Variants in NLRP14 observed in about 807,000 individuals in gnomAD.
The protein encoded by NLRP14 is NLR family pyrin domain containing 14.
In NLRP14, 105 loss-of-function variants were observed where a neutral mutation model predicts 94.7. The ratio of observed to expected loss-of-function variants is 1.11; its 90% CI spans 0.95 to 1.30. The LOEUF is 1.30. Among genes scored for constraint, NLRP14 ranks in the 50% most tolerant of loss-of-function variants. The pLI is 0.00. For missense variants in NLRP14, 1,362 were observed against 1,254.1 expected (o/e 1.09, Z -1.30); for synonymous variants, 508 against 459.9 (o/e 1.10, Z -1.34).
At chr11:7,082,075 C>G in the NLRP14 span, among the ~76,000 whole-genome samples, 1 of 152,090 alleles carries the variant, frequency 6.6e-6, no homozygotes, top group African/African-American at 2.4e-5. Flanking sequence ...ACTCAGGAGT[C>G]TCCAAGGATT....
downstream of NLRP14, among the ~76,000 whole-genome samples, chr11:7,071,839 T>A (rs1852804919): frequency 1.3e-5 from 2 of 152,016 alleles, no homozygotes; most frequent in African/African-American, 4.8e-5. Flanking sequence ...TTTTTGAGAA[T>A]TTCCCAGGCA....
chr11:7,036,297 A>G (rs1454138753), intron 1 of NLRP14, among the ~76,000 whole-genome samples: 10 of 152,238 alleles, frequency 6.6e-5, no homozygotes, highest in Admixed American at 6.5e-4. Context: ...AAAGGTAAAA[A>G]GCCAAAACAA....
chr11:7,049,427 A>G (rs4439493), intron 5 of NLRP14, among the ~76,000 whole-genome samples: 2 of 152,176 alleles, frequency 1.3e-5, no homozygotes, highest in African/African-American at 2.4e-5. Context: ...ATTACAAGTT[A>G]AAGAGGCTCC....
At position 7,042,066 on chromosome 11, in the gene NLRP14, A is replaced by G. The variant is rs10160485; in HGVS notation, c.362-322A>G. 0.55 allele frequency among the ~76,000 whole-genome samples: 82,296 copies of G among 150,642 alleles called. 23,631 individuals are homozygous for G. The highest frequency in any genetic ancestry group is 0.74 in the East Asian group (3,791 of 5,138). On this transcript the variant is annotated intron_variant, in intron 3 of 11. Transcript: ENST00000299481. ...GATGACATCTCTGTTCTCCACATCT[A>G]TTATCTTTTTTCTATGTAGAAGGAA...
At chr11:7,061,214 G>T (rs1852615336) in intron 9 of NLRP14, among the ~76,000 whole-genome samples, 1 of 151,990 alleles carries the variant, frequency 6.6e-6, no homozygotes, top group South Asian at 2.1e-4. Context: ...ACACTGTAGG[G>T]TTCAATAAAT....
chr11:7,034,591 C>A (rs1852137157), intron 1 of NLRP14, among the ~76,000 whole-genome samples: 1 of 152,126 alleles, frequency 6.6e-6, no homozygotes, highest in Non-Finnish European at 1.5e-5. Flanking sequence ...AAACATTTTT[C>A]TGTTTTTGGT....
the NLRP14 span, chr11:7,088,994 C>G: frequency 8.7e-7 from 1 of 1,148,542 alleles, no homozygotes. Flanking sequence ...GGCTGCGGTT[C>G]CGTGGACTCG....
the NLRP14 span, among the ~76,000 whole-genome samples, chr11:7,084,155 T>G: frequency 1.3e-5 from 2 of 152,232 alleles, no homozygotes; most frequent in Admixed American, 6.5e-5. Context: ...GCTAGTCATT[T>G]GAGAACTATT....
chr11:7,026,761 G>A (rs1158358716), intron 1 of NLRP14, among the ~76,000 whole-genome samples: 1 of 142,724 alleles, frequency 7.0e-6, no homozygotes. Context: ...CAACCCAAAT[G>A]TCCAACAATG....
At chr11:7,088,963 C>A in the NLRP14 span, 1 of 810,494 alleles carries the variant, frequency 1.2e-6, no homozygotes, top group South Asian at 1.7e-5. Flanking sequence ...GCAGCAGGGG[C>A]GCGCCCTGCA....
intron 6 of NLRP14, among the ~76,000 whole-genome samples, 191 bp from the exon 7 acceptor site, chr11:7,057,486 C>T (rs963648276): frequency 6.6e-6 from 1 of 152,032 alleles, no homozygotes; most frequent in Admixed American, 6.6e-5. Context: ...AAACAATCTC[C>T]TTCCCTTCCC....
the NLRP14 span, among the ~76,000 whole-genome samples, chr11:7,085,002 A>C: frequency 1.3e-5 from 2 of 151,850 alleles, no homozygotes; most frequent in South Asian, 4.2e-4. Context: ...GAGGGGAAAA[A>C]CTCTGTGTTT....
At chr11:7,029,503 A>G (rs1422131141) in intron 1 of NLRP14, among the ~76,000 whole-genome samples, 1 of 152,224 alleles carries the variant, frequency 6.6e-6, no homozygotes, top group East Asian at 1.9e-4. Flanking sequence ...ACCACAGAAG[A>G]TACAGTGTTC....
chr11:7,052,128 A>T (rs191904395), intron 6 of NLRP14, among the ~76,000 whole-genome samples: 1 of 152,226 alleles, frequency 6.6e-6, no homozygotes, highest in African/African-American at 2.4e-5. Flanking sequence ...ACCTTGGCAT[A>T]GTCCAATAAT....
chr11:7,062,889 A>G lies in NLRP14; in HGVS notation c.2975+386A>G, dbSNP rs1000728207. Among the ~76,000 whole-genome samples the G allele has an allele frequency of 7.9e-5, 12 of 152,138 alleles. No individual in the cohort carries two copies. In the South Asian group the frequency reaches 2.1e-3, roughly 26 times the overall value. ...ATGTTCTTAAGGAGCTTGTAATAAA[A>G]TCACATTCTGTGTTGTGGACATTTC... On this transcript the variant is annotated intron_variant, in intron 10 of 11. Coordinates refer to ENST00000299481, the MANE Select transcript of NLRP14 (RefSeq NM_176822.4).
chr11:7,065,546 A>G (rs1376577295), intron 10 of NLRP14, among the ~76,000 whole-genome samples: 4 of 151,662 alleles, frequency 2.6e-5, no homozygotes, highest in South Asian at 4.2e-4. Context: ...TTCATTTTTT[A>G]TATGCCTTAG....
chr11:7,049,275 C>T (rs148618864), intron 5 of NLRP14, among the ~76,000 whole-genome samples: 3 of 152,302 alleles, frequency 2.0e-5, no homozygotes, highest in Admixed American at 6.5e-5. Flanking sequence ...TGTTTTGCAA[C>T]AGCGTTTTGT....
chr11:7,054,429 T>C (rs759928048), intron 6 of NLRP14, among the ~76,000 whole-genome samples: 1 of 152,162 alleles, frequency 6.6e-6, no homozygotes, highest in Non-Finnish European at 1.5e-5. Flanking sequence ...CTACTAACAG[T>C]GTATGAGGGT....
chr11:7,082,548 G>C, the NLRP14 span, among the ~76,000 whole-genome samples: 95,440 of 152,072 alleles, frequency 0.63, 30,267 homozygotes, highest in East Asian at 0.78. Flanking sequence ...TTCGAGGCAT[G>C]AGATATAACT....
Sources: allele counts gnomAD v4.1 joint callset (sites outside exome capture counted in the v4.1 genomes callset), GRCh38; gene constraint gnomAD v4.1.1; transcripts MANE v1.5; gene names NCBI Gene and HGNC (gene_info 2026-07-23, HGNC 2026-07-21).